NRXN1: variants seen among roughly 807,000 people sequenced by gnomAD.
NRXN1 encodes neurexin-1.
NRXN1 carries 39 observed loss-of-function variants against 150.9 expected under a neutral mutation model. The ratio of observed to expected loss-of-function variants is 0.26; its 90% CI spans 0.20 to 0.34. The LOEUF (loss-of-function observed/expected upper bound fraction) is 0.34, where lower values mean the gene tolerates loss of function less well. Among genes scored for constraint, NRXN1 ranks in the 10% least tolerant of loss-of-function variants. NRXN1 has a pLI of 1.00. For missense variants in NRXN1, 1,815 were observed against 1,949.9 expected, an observed-to-expected ratio of 0.93 and a Z score of 1.30; for synonymous variants, 924 against 757.0, an observed-to-expected ratio of 1.22 and a Z score of -3.62.
chr2:50,255,412 G>T (rs747105528), intron 17 of NRXN1, among the ~76,000 whole-genome samples: 31 of 152,140 alleles, frequency 2.0e-4, no homozygotes, highest in Non-Finnish European at 4.1e-4. Context: ...CAAGAGCACG[G>T]ATTAAAGTAC....
rs1241621524 is a variant in NRXN1 at position 50,866,585 on chromosome 2, TC to T, written c.832+55283del. Among the ~76,000 whole-genome samples, 3 of 152,038 alleles carry T rather than the reference TC, an allele frequency of 2.0e-5. No homozygotes were observed. The East Asian group carries it at 5.8e-4, about 30-fold the overall frequency. ...CAGATCTATTTACCCTCTTCTTACT[TC>T]ACAAAACAGAATGAGTTATATAGTT... is the stretch of plus-strand genomic sequence containing the variant. On this transcript the variant is annotated intron_variant, in intron 5 of 22. Transcript: ENST00000401669.
intron 2 of NRXN1, among the ~76,000 whole-genome samples, chr2:51,026,752 A>C (rs1232079316): frequency 6.6e-6 from 1 of 152,188 alleles, no homozygotes; most frequent in African/African-American, 2.4e-5. Context: ...AACATTTTTA[A>C]ACGTCAGCTG....
chr2:50,154,707 A>C (rs2058908956), intron 18 of NRXN1, among the ~76,000 whole-genome samples: 1 of 151,752 alleles, frequency 6.6e-6, no homozygotes, highest in African/African-American at 2.4e-5. Flanking sequence ...AAAGCAGAAC[A>C]AAAAGGTATT....
At chr2:50,689,604 A>G (rs555108552) in intron 5 of NRXN1, among the ~76,000 whole-genome samples, 4 of 152,260 alleles carry the variant, frequency 2.6e-5, no homozygotes, top group Admixed American at 2.6e-4. Context: ...TTGGTCTTGC[A>G]CTGTCATGTG....
intron 18 of NRXN1, among the ~76,000 whole-genome samples, chr2:50,175,723 C>A (rs934343510): frequency 6.6e-6 from 1 of 151,780 alleles, no homozygotes; most frequent in African/African-American, 2.4e-5. Flanking sequence ...GAGAACTAGA[C>A]CAGGTAACAC....
chr2:50,295,550 T>C (rs1414473181), intron 17 of NRXN1, among the ~76,000 whole-genome samples: 1 of 152,206 alleles, frequency 6.6e-6, no homozygotes, highest in Non-Finnish European at 1.5e-5. Flanking sequence ...AATCTGAATT[T>C]ACACTCCAAT....
intron 17 of NRXN1, among the ~76,000 whole-genome samples, chr2:50,403,035 C>T (rs1397785189): frequency 6.6e-6 from 1 of 152,058 alleles, no homozygotes; most frequent in Non-Finnish European, 1.5e-5. Context: ...AAACTAACTT[C>T]CCTTATAATC....
intron 5 of NRXN1, among the ~76,000 whole-genome samples, chr2:50,648,639 G>C (rs531524440): frequency 1.3e-5 from 2 of 152,052 alleles, no homozygotes; most frequent in East Asian, 3.9e-4. Context: ...TGGTCTGATA[G>C]GCATCTCTGT....
chr2:50,553,887 C>T (rs574929926), intron 8 of NRXN1, among the ~76,000 whole-genome samples: 8 of 152,250 alleles, frequency 5.3e-5, no homozygotes, highest in South Asian at 2.1e-4. Flanking sequence ...ACAGGGTTCA[C>T]GGTATCATAC....
At chr2:50,185,285 A>G (rs1439247755) in intron 18 of NRXN1, among the ~76,000 whole-genome samples, 1 of 152,102 alleles carries the variant, frequency 6.6e-6, no homozygotes, top group Non-Finnish European at 1.5e-5. Flanking sequence ...TTTCTCTACA[A>G]GGAGAGGCAG....
rs181816358 is a variant in NRXN1 at position 49,950,223 on chromosome 2, A to G, written c.4129-6432T>C. 4.2e-3 allele frequency among the ~76,000 whole-genome samples: 639 copies of G among 152,060 alleles called. 6 individuals are homozygous for G. The highest frequency in any genetic ancestry group is 0.031 in the South Asian group (148 of 4,826). On this transcript the variant is annotated intron_variant, in intron 21 of 22. Coordinates refer to ENST00000401669, the MANE Select transcript of NRXN1 (RefSeq NM_001330078.2). ...GCAAATCAGTAAAGAAATAGATCAA[A>G]TTGGCAATTTCAGTTAATGAACAAT...
At chr2:50,254,261 T>C (rs1388670244) in intron 17 of NRXN1, among the ~76,000 whole-genome samples, 1 of 151,566 alleles carries the variant, frequency 6.6e-6, no homozygotes, top group Non-Finnish European at 1.5e-5. Context: ...AGTGATGATA[T>C]CCCCTTTATC....
chr2:50,238,821 T>C (rs1422294264), intron 17 of NRXN1, among the ~76,000 whole-genome samples: 1 of 151,990 alleles, frequency 6.6e-6, no homozygotes, highest in Non-Finnish European at 1.5e-5. Flanking sequence ...ACTTGGTATA[T>C]AGACCTCTTC....
intron 18 of NRXN1, among the ~76,000 whole-genome samples, chr2:50,126,010 T>A (rs368577380): frequency 6.6e-6 from 1 of 152,106 alleles, no homozygotes; most frequent in African/African-American, 2.4e-5. Flanking sequence ...TTTTATTCAA[T>A]GGATCATAGG....
intron 5 of NRXN1, among the ~76,000 whole-genome samples, chr2:50,761,967 A>G (rs888441391): frequency 6.6e-6 from 1 of 151,850 alleles, no homozygotes; most frequent in African/African-American, 2.4e-5. Context: ...CAGCCACAGA[A>G]TGAACGTTGC....
chr2:49,919,122 A>G lies in NRXN1; in HGVS notation c.*2822T>C, dbSNP rs1050293432. On this transcript the variant is annotated 3_prime_UTR_variant, in exon 23 of 23. Coordinates refer to ENST00000401669, the MANE Select transcript of NRXN1 (RefSeq NM_001330078.2). ...GCAACACATTACATGGATAAAAAAG[A>G]AGCATAATCAATCAGAAAAGTTACA... The G allele has an allele frequency of 1.3e-5, 2 of 152,134 alleles. No individual in the cohort carries two copies. Among genetic ancestry groups the G allele is most frequent in the Non-Finnish European group, 2.9e-5 (2 of 67,976 alleles). 9.4% of individuals were successfully genotyped at this position (152,134 alleles called of 1,614,324 possible). A position where few individuals can be genotyped will look rare whatever the true frequency, so the allele number is the denominator to read the frequency against.
At chr2:50,567,618 G>A (rs1670069051) in intron 8 of NRXN1, among the ~76,000 whole-genome samples, 1 of 151,964 alleles carries the variant, frequency 6.6e-6, no homozygotes, top group Non-Finnish European at 1.5e-5. Flanking sequence ...ACAATGCTTT[G>A]GTAGAGCCCT....
chr2:50,745,555 G>A (rs1002261431), intron 5 of NRXN1, among the ~76,000 whole-genome samples: 2 of 151,996 alleles, frequency 1.3e-5, no homozygotes, highest in Non-Finnish European at 2.9e-5. Context: ...TGGTATATTA[G>A]TTCATTCCCA....
chr2:50,465,520 C>A lies in NRXN1; in HGVS notation c.3286G>T (p.Gly1096Cys). 6.2e-7 allele frequency: 1 copy of A among 1,610,688 alleles called. No individual in the cohort carries two copies. The highest frequency in any genetic ancestry group is 8.5e-7 in the Non-Finnish European group (1 of 1,178,066). The change falls in exon 17 of 23, where the codon GGT becomes TGT. Residue 1096 changes from glycine to cysteine, a missense_variant. By Grantham distance (159) the Gly-to-Cys change is radical. Coordinates refer to ENST00000401669, the MANE Select transcript of NRXN1 (RefSeq NM_001330078.2). ...CCATCCCATTGTTGCAAGCACACAC[C>A]TTGATTGGAACATGAGTCCTCTTGG... ...TCQEDSCSNQ[G>C]VCLQQWDGFS...
Sources: gnomAD v4.1 joint callset for allele counts (sites outside exome capture counted in the v4.1 genomes callset) on GRCh38, gnomAD v4.1.1 for gene constraint, MANE v1.5 for transcripts, NCBI Gene and HGNC (gene_info 2026-07-23, HGNC 2026-07-21) for gene names.